Variants in PPP3CC observed in about 807,000 individuals in gnomAD.
PPP3CC encodes the protein protein phosphatase 3 catalytic subunit gamma.
Under a neutral mutation model 60.3 loss-of-function variants are expected in PPP3CC, and 35 were observed. The observed-to-expected ratio is 0.58, with a 90% CI of 0.44 to 0.77. The LOEUF is 0.77. Ranked by LOEUF, PPP3CC falls within the 30% of genes least tolerant of loss-of-function variation. PPP3CC has a pLI of 0.00. For synonymous variants in PPP3CC, 206 were observed against 224.3 expected (o/e 0.92, Z 0.73); for missense variants, 570 against 628.9 (o/e 0.91, Z 1.00).
chr8:22,487,754 T>C (rs1838268330), intron 3 of PPP3CC, among the ~76,000 whole-genome samples: 1 of 152,200 alleles, frequency 6.6e-6, no homozygotes, highest in Non-Finnish European at 1.5e-5. Context: ...AAAGATATAC[T>C]GTATTAAAAG....
intron 6 of PPP3CC, among the ~76,000 whole-genome samples, chr8:22,518,366 T>C (rs543594486): frequency 5.3e-5 from 8 of 152,320 alleles, no homozygotes; most frequent in South Asian, 2.1e-4. Context: ...AAAAGTGTGG[T>C]GTGTAGTTTC....
chr8:22,519,845 G>A (rs575034963), intron 6 of PPP3CC, among the ~76,000 whole-genome samples: 11 of 152,030 alleles, frequency 7.2e-5, no homozygotes, highest in Non-Finnish European at 1.2e-4. Context: ...TAGTAGAGAT[G>A]GGGTTTCACC....
At chr8:22,526,319 A>G (rs75047027) in intron 8 of PPP3CC, among the ~76,000 whole-genome samples, 2,515 of 152,136 alleles carry the variant, frequency 0.017, 68 homozygotes, top group African/African-American at 0.058. Context: ...CACTGTTGAG[A>G]CTCACCTCCC....
At chr8:22,492,649 T>C in intron 3 of PPP3CC, 2 of 673,526 alleles carry the variant, frequency 3.0e-6, no homozygotes, top group Non-Finnish European at 5.3e-6. Context: ...AGGAAAGACT[T>C]GCCAAACTGC....
intron 1 of PPP3CC, among the ~76,000 whole-genome samples, chr8:22,473,450 C>G (rs929468867): frequency 1.3e-5 from 2 of 148,190 alleles, no homozygotes; most frequent in African/African-American, 5.0e-5. Context: ...GAAAACATAA[C>G]TGGACTTCCC....
intron 4 of PPP3CC, among the ~76,000 whole-genome samples, chr8:22,502,360 C>A (rs372367137): frequency 6.6e-6 from 1 of 152,134 alleles, no homozygotes; most frequent in African/African-American, 2.4e-5. Flanking sequence ...TGATAATATG[C>A]TTTTGAACAA....
rs140868162 is a variant in PPP3CC, at chr8:22,448,058, C to T, written c.49+6600C>T. Among the ~76,000 whole-genome samples, 482 of 152,280 alleles carry T rather than the reference C, an allele frequency of 3.2e-3. 3 individuals are homozygous for T. The highest frequency in any genetic ancestry group is 0.011 in the African/African-American group (456 of 41,550). ...CTGAGAAATATTTGAAGAATTCATT[C>T]AGTAATTACCTATGTAACATTCTTG... On this transcript the variant is annotated intron_variant, in intron 1 of 13. Coordinates refer to ENST00000240139, the MANE Select transcript of PPP3CC (RefSeq NM_005605.5).
chr8:22,516,531 T>C (rs1056411740), intron 6 of PPP3CC, among the ~76,000 whole-genome samples: 1 of 152,228 alleles, frequency 6.6e-6, no homozygotes. Context: ...CTTACTAAGA[T>C]GTATTTGTAA....
intron 4 of PPP3CC, among the ~76,000 whole-genome samples, chr8:22,503,780 C>G (rs1204552062): frequency 6.6e-6 from 1 of 152,148 alleles, no homozygotes; most frequent in Non-Finnish European, 1.5e-5. Flanking sequence ...TCTTTTTCTC[C>G]TATCTACCAA....
At chr8:22,496,283 C>T (rs1025514234) in intron 3 of PPP3CC, among the ~76,000 whole-genome samples, 11 of 151,688 alleles carry the variant, frequency 7.3e-5, no homozygotes, top group Admixed American at 7.2e-4. Context: ...TGATTATAGA[C>T]ATTTTATAGT....
At chr8:22,532,791 C>T in intron 11 of PPP3CC, 130 bp from the exon 12 acceptor site, 1 of 548,876 alleles carries the variant, frequency 1.8e-6, no homozygotes, top group South Asian at 3.1e-5. Context: ...TTCTTTGAGT[C>T]AGGGAAGGCG....
chr8:22,497,885 C>A, intron 3 of PPP3CC, 116 bp from the exon 4 acceptor site: 1 of 645,888 alleles, frequency 1.5e-6, no homozygotes, highest in East Asian at 2.9e-5. Context: ...TTTCATTTTT[C>A]AATTTGGGAG....
intron 1 of PPP3CC, among the ~76,000 whole-genome samples, chr8:22,461,926 A>T (rs1229488514): frequency 6.6e-6 from 1 of 152,126 alleles, no homozygotes; most frequent in African/African-American, 2.4e-5. Context: ...TACGGGTATG[A>T]GTGAGCTGAT....
chr8:22,490,211 T>G (rs1437607630), intron 3 of PPP3CC, among the ~76,000 whole-genome samples: 1 of 152,170 alleles, frequency 6.6e-6, no homozygotes, highest in Middle Eastern at 3.2e-3. Flanking sequence ...TGCTGTCCAG[T>G]GGTCTTGAAA....
intron 6 of PPP3CC, among the ~76,000 whole-genome samples, chr8:22,518,127 A>G (rs766833783): frequency 5.3e-5 from 8 of 151,720 alleles, no homozygotes; most frequent in Non-Finnish European, 1.2e-4. Context: ...CAGTGGCACA[A>G]TGATACCTCA....
In PPP3CC at chr8:22,465,601, C is replaced by T. The variant is rs76318638; in HGVS notation, c.50-9353C>T. On this transcript the variant is annotated intron_variant, in intron 1 of 13. Coordinates refer to ENST00000240139, the MANE Select transcript of PPP3CC (RefSeq NM_005605.5). ...AGTTCTATCTCTTGCTCTCTCTTAT[C>T]CCTCTTTGCCCTTCCACTATGGGAT... Among the ~76,000 whole-genome samples the T allele has an allele frequency of 6.3e-3, 964 of 152,262 alleles. 35 individuals carry two copies. The East Asian group carries it at 0.11, about 18-fold the overall frequency.
In PPP3CC at chr8:22,541,110, C is replaced by T. The variant is rs1474414674; in HGVS notation, c.*308C>T. 1 of 178,252 alleles carries T rather than the reference C, an allele frequency of 5.6e-6. No individual in the cohort carries two copies. Among genetic ancestry groups the T allele is most frequent in the Non-Finnish European group, 1.2e-5 (1 of 85,890 alleles). 11.0% of individuals were successfully genotyped at this position (178,252 alleles called of 1,614,324 possible). A position where few individuals can be genotyped will look rare whatever the true frequency, so the allele number is the denominator to read the frequency against. ...AGGGGAACTTCCCCTAATAAAAGGG[C>T]CTTGGAAACCTCAAACCTGGGTTTC... On this transcript the variant is annotated 3_prime_UTR_variant, in exon 14 of 14. Coordinates refer to ENST00000240139, the MANE Select transcript of PPP3CC (RefSeq NM_005605.5).
chr8:22,475,631 A>G lies in PPP3CC; in HGVS notation c.372+7A>G, dbSNP rs774660623. 1 of 1,609,186 alleles carries G rather than the reference A, an allele frequency of 6.2e-7. No homozygotes were observed. Among genetic ancestry groups the G allele is most frequent in the South Asian group, 1.1e-5 (1 of 90,182 alleles). Reference sequence around the variant, plus strand: ...AGGCTATTTCAGTATAGAGGTAAAAATTAAACTGGATATGTTGGGACTATT... The same window carrying G: ...AGGCTATTTCAGTATAGAGGTAAAAGTTAAACTGGATATGTTGGGACTATT... On this transcript the variant is annotated splice_region_variant and intron_variant, in intron 3 of 13. Coordinates refer to ENST00000240139, the MANE Select transcript of PPP3CC (RefSeq NM_005605.5).
intron 1 of PPP3CC, among the ~76,000 whole-genome samples, chr8:22,448,381 G>GTTTT (rs34309415): frequency 7.4e-6 from 1 of 135,122 alleles, no homozygotes; most frequent in African/African-American, 2.8e-5. Flanking sequence ...CCTTTTTTTT[G>GTTTT]TTTTTTTTTT....
Sources: gnomAD v4.1 joint callset for allele counts (sites outside exome capture counted in the v4.1 genomes callset) on GRCh38, gnomAD v4.1.1 for gene constraint, MANE v1.5 for transcripts, NCBI Gene and HGNC (gene_info 2026-07-23, HGNC 2026-07-21) for gene names.